SLC38A10: variants seen among roughly 807,000 people sequenced by gnomAD.
The protein encoded by SLC38A10 is solute carrier family 38 member 10, also known as Sodium-coupled neutral amino acid transporter 10.
In SLC38A10, 53 loss-of-function variants were observed where a neutral mutation model predicts 81.0. The observed-to-expected ratio is 0.65, with a 90% CI of 0.53 to 0.82. The LOEUF (loss-of-function observed/expected upper bound fraction) is 0.82. Ranked by LOEUF, SLC38A10 falls within the 40% of genes least tolerant of loss-of-function variation. The probability of loss-of-function intolerance (pLI) is 0.00; values close to 1 mark genes in which losing one functional copy is unlikely to be tolerated. For synonymous variants in SLC38A10, 665 were observed against 655.3 expected (o/e 1.01, Z -0.23); for missense variants, 1,471 against 1,545.0 (o/e 0.95, Z 0.80).
chr17:81,285,543 C>T (rs545293836), intron 2 of SLC38A10: 1 of 152,262 alleles, frequency 6.6e-6, no homozygotes, highest in Admixed American at 6.5e-5. Context: ...CCATTCTCTC[C>T]GCCCTGACCG....
rs10871494 is a variant in SLC38A10 at position 81,282,198 on chromosome 17, G to A, written c.492C>T (p.Phe164=). The change falls in exon 5 of 16, where the codon TTC becomes TTT. Residue 164 remains phenylalanine (F), a synonymous_variant. Coordinates refer to ENST00000374759, the MANE Select transcript of SLC38A10 (RefSeq NM_001037984.3). ...CGCGCTGCCGACTCACCACGAACAT[G>A]AACACGGTGTAGAAGAGGAGGGCCA... ...SAMALLFYTV[F]MFVIVLSSLK... 0.2 allele frequency: 323,865 copies of A among 1,613,460 alleles called. 35,720 individuals are homozygous for A. Among genetic ancestry groups the A allele is most frequent in the Non-Finnish European group, 0.23 (268,604 of 1,179,870 alleles).
At chr17:81,248,115 GC>G (rs2062871488) in intron 14 of SLC38A10, among the ~76,000 whole-genome samples, 1 of 151,698 alleles carries the variant, frequency 6.6e-6, no homozygotes, top group South Asian at 2.1e-4. Context: ...CCGCCACCGC[GC>G]CCGGCTAATG....
In SLC38A10 at chr17:81,251,044, AC is replaced by A. The variant is rs1052891340; in HGVS notation, c.2065+448del. ...TGCTAGGACCAGGGCGGGCACAGCC[AC>A]CCCCAAACTGGGTCCCCTTGGGGCA... On this transcript the variant is annotated intron_variant, in intron 14 of 15. Transcript: ENST00000374759. 5 of 1,435,456 alleles carry A rather than the reference AC, an allele frequency of 3.5e-6. No individual in the cohort carries two copies. The African/African-American group carries it at 7.1e-5, about 20-fold the overall frequency. The allele number at this position is 1,435,456 out of a possible 1,614,324, so 88.9% of individuals were successfully genotyped here. A position where few individuals can be genotyped will look rare whatever the true frequency, so the allele number is the denominator to read the frequency against.
chr17:81,255,669 G>A (rs555131333), intron 11 of SLC38A10, among the ~76,000 whole-genome samples: 5 of 152,300 alleles, frequency 3.3e-5, no homozygotes, highest in African/African-American at 1.2e-4. Flanking sequence ...GGGTGCTGCC[G>A]CAGGGCAACC....
intron 1 of SLC38A10, among the ~76,000 whole-genome samples, chr17:81,292,019 G>A (rs1002448564): frequency 2.0e-5 from 3 of 151,984 alleles, no homozygotes; most frequent in African/African-American, 7.3e-5. Flanking sequence ...TTCATCAACA[G>A]CACATCTAAA....
At chr17:81,291,323 A>G (rs1363079683) in intron 1 of SLC38A10, among the ~76,000 whole-genome samples, 3 of 151,592 alleles carry the variant, frequency 2.0e-5, no homozygotes, top group Non-Finnish European at 4.4e-5. Flanking sequence ...CTCTACTGAA[A>G]ACACACACAA....
At chr17:81,256,288 T>C (rs1029148200) in intron 11 of SLC38A10, among the ~76,000 whole-genome samples, 4 of 152,182 alleles carry the variant, frequency 2.6e-5, no homozygotes, top group Admixed American at 2.6e-4. Flanking sequence ...GCTCGGGGAC[T>C]TGGAGGTGGT....
At chr17:81,293,507 T>G (rs2063326080) in intron 1 of SLC38A10, among the ~76,000 whole-genome samples, 1 of 152,146 alleles carries the variant, frequency 6.6e-6, no homozygotes, top group Admixed American at 6.5e-5. Context: ...GGTACTGTTG[T>G]GTTGCCCAGG....
In SLC38A10 at chr17:81,265,615, G is replaced by C. The variant is rs1417612986; in HGVS notation, c.1132-5221C>G. Among the ~76,000 whole-genome samples, 1 of 152,174 alleles carries C rather than the reference G, an allele frequency of 6.6e-6. No individual in the cohort carries two copies. Among genetic ancestry groups the C allele is most frequent in the Non-Finnish European group, 1.5e-5 (1 of 68,032 alleles). On this transcript the variant is annotated intron_variant, in intron 10 of 15. Coordinates refer to ENST00000374759, the MANE Select transcript of SLC38A10 (RefSeq NM_001037984.3). The surrounding 1 kb of genome is among the most constrained non-coding windows in gnomAD (Gnocchi z 4.2). ...TGGCTCTTCCTGAGGTCCCTGGGCT[G>C]GGTACAGGCACCATATCGCTGAGAG... is the stretch of plus-strand genomic sequence containing the variant.
chr17:81,291,760 G>A (rs1367489265), intron 1 of SLC38A10, among the ~76,000 whole-genome samples: 2 of 152,174 alleles, frequency 1.3e-5, no homozygotes, highest in African/African-American at 4.8e-5. Context: ...CCCAATAGGA[G>A]ACACCGTAAA....
At chr17:81,257,560 T>C (rs2146900077) in intron 11 of SLC38A10, among the ~76,000 whole-genome samples, 1 of 152,368 alleles carries the variant, frequency 6.6e-6, no homozygotes, top group East Asian at 1.9e-4. Flanking sequence ...CGAAGGGCCC[T>C]GCCTCCTGCA....
intron 14 of SLC38A10, among the ~76,000 whole-genome samples, chr17:81,249,640 C>G (rs1295464123): frequency 3.3e-5 from 5 of 151,860 alleles, no homozygotes; most frequent in Non-Finnish European, 4.4e-5. Flanking sequence ...CAGGCTGTTC[C>G]TACAGCCAGA....
At chr17:81,249,080 C>T (rs2062879933) in intron 14 of SLC38A10, among the ~76,000 whole-genome samples, 2 of 151,948 alleles carry the variant, frequency 1.3e-5, no homozygotes, top group Non-Finnish European at 2.9e-5. Flanking sequence ...CTGGTGACAC[C>T]TCCCCATACT....
Position 81,251,587 on chromosome 17 carries a change from C to A in SLC38A10, c.1971G>T (p.Glu657Asp), listed in dbSNP as rs759506482. ...GCAGCCCAGGCCCTGGAGCCGGCTT[C>A]TCCGCTGGGAGGGGAGGCTTCCCAC... is the stretch of plus-strand genomic sequence containing the variant. ...DHGGKPPLPA[E>D]KPAPGPGLPP... is the part of the protein sequence containing the mutation. Residue 657 changes from glutamate (E) to aspartate (D), a missense_variant, in exon 14 of 16, where the codon GAG (glutamate) becomes GAT (aspartate). Glu to Asp is a conservative substitution (Grantham distance 45). Transcript: ENST00000374759. 1 of 1,493,354 alleles carries A rather than the reference C, an allele frequency of 6.7e-7. No individual in the cohort carries two copies. The highest frequency in any genetic ancestry group is 2.3e-5 in the East Asian group (1 of 43,258). The allele number at this position is 1,493,354 out of a possible 1,614,324, so 92.5% of individuals were successfully genotyped here.
chr17:81,284,761 TG>T, intron 3 of SLC38A10, 88 bp downstream of exon 3: 3 of 970,708 alleles, frequency 3.1e-6, no homozygotes, highest in Non-Finnish European at 1.4e-6. Flanking sequence ...CAGGTGAATC[TG>T]GGGATGAAAC....
rs753935706 is a variant in SLC38A10, at chr17:81,294,973, C to A, written c.-52G>T. ...AGAGGCCTCGGGGGTCGCCGGGCTGCGGCCGGCTTTGGAAGCCCAGCCCGA... is the reference window on the plus strand; with the variant it reads ...AGAGGCCTCGGGGGTCGCCGGGCTGAGGCCGGCTTTGGAAGCCCAGCCCGA... On this transcript the variant is annotated 5_prime_UTR_variant, in exon 1 of 16. Transcript: ENST00000374759. 7 of 1,520,124 alleles carry A rather than the reference C, an allele frequency of 4.6e-6. No homozygotes were observed. The highest frequency in any genetic ancestry group is 6.2e-6 in the Non-Finnish European group (7 of 1,135,514). The allele number at this position is 1,520,124 out of a possible 1,614,324, so 94.2% of individuals were successfully genotyped here.
intron 6 of SLC38A10, among the ~76,000 whole-genome samples, chr17:81,278,713 G>A (rs1004304173): frequency 2.0e-5 from 3 of 152,158 alleles, no homozygotes; most frequent in Admixed American, 6.5e-5. Flanking sequence ...CTGTCCTCTC[G>A]CCACAGCTGA....
At chr17:81,284,708 T>G in intron 3 of SLC38A10, 142 bp downstream of exon 3, 1 of 608,150 alleles carries the variant, frequency 1.6e-6, no homozygotes, top group Admixed American at 3.7e-5. Context: ...GTACAAGTAA[T>G]TGGACTTTCA....
In SLC38A10 at chr17:81,275,988, G is replaced by A; in HGVS notation, c.893C>T (p.Thr298Met). The part of the protein sequence containing the change: ...MILPCRQALS[T>M]LLCEQQQKDG... ...TCTTACCTGCTGCTCACACAGCAGC[G>A]TGCTCAGGGCCTGCCTGCATGGCAG... The change falls in exon 8 of 16, where the codon ACG (threonine) becomes ATG (methionine). Residue 298 changes from threonine to methionine, a missense_variant. Coordinates refer to ENST00000374759, the MANE Select transcript of SLC38A10 (RefSeq NM_001037984.3). 3.1e-6 allele frequency: 5 copies of A among 1,613,578 alleles called. No individual in the cohort carries two copies. Among genetic ancestry groups the A allele is most frequent in the African/African-American group, 1.3e-5 (1 of 75,058 alleles).
Sources: gnomAD v4.1 joint callset for allele counts (sites outside exome capture counted in the v4.1 genomes callset) on GRCh38, gnomAD v4.1.1 for gene constraint, Gnocchi (gnomAD v3.1) non-coding constraint, MANE v1.5 for transcripts, NCBI Gene and HGNC (gene_info 2026-07-23, HGNC 2026-07-21) for gene names.